The following PUS10 variants were observed in gnomAD, a reference collection of about 807,000 sequenced individuals.
PUS10 encodes the protein tRNA pseudouridine synthase Pus10.
Under a neutral mutation model 75.0 loss-of-function variants are expected in PUS10, and 59 were observed. The observed-to-expected ratio is 0.79, with a 90% CI of 0.64 to 0.98. The LOEUF (loss-of-function observed/expected upper bound fraction) is 0.98. Ranked by LOEUF, PUS10 falls within the 50% of genes least tolerant of loss-of-function variation. The probability of loss-of-function intolerance (pLI) is 0.00; values close to 1 mark genes in which losing one functional copy is unlikely to be tolerated. For missense variants in PUS10, 650 were observed against 614.4 expected (o/e 1.06, Z -0.61); for synonymous variants, 219 against 211.6 (o/e 1.03, Z -0.30).
At chr2:61,000,199 T>G (rs1352980052) in intron 4 of PUS10, among the ~76,000 whole-genome samples, 1 of 152,138 alleles carries the variant, frequency 6.6e-6, no homozygotes, top group Non-Finnish European at 1.5e-5. Flanking sequence ...CTTGCAGCAA[T>G]CTAATTCCTC....
At chr2:60,965,164 T>A in intron 7 of PUS10, 61 bp from the exon 8 acceptor site, 2 of 1,491,644 alleles carry the variant, frequency 1.3e-6, no homozygotes, top group Admixed American at 3.5e-5. Flanking sequence ...TAGATATAAT[T>A]CAAATATATT....
chr2:60,952,952 G>C (rs1258264506), intron 15 of PUS10, 45 bp downstream of exon 15: 7 of 1,060,188 alleles, frequency 6.6e-6, no homozygotes, highest in Non-Finnish European at 1.0e-5. Context: ...ATCTTTGATA[G>C]GCAACAGAAA....
intron 16 of PUS10, among the ~76,000 whole-genome samples, chr2:60,947,363 G>C (rs1262910330): frequency 6.6e-6 from 1 of 152,160 alleles, no homozygotes; most frequent in Non-Finnish European, 1.5e-5. Flanking sequence ...ATGTTGAAAA[G>C]ACCCAAATAT....
intron 8 of PUS10, 86 bp downstream of exon 8, chr2:60,964,971 TC>T: frequency 9.1e-7 from 1 of 1,101,936 alleles, no homozygotes; most frequent in Non-Finnish European, 1.4e-6. Context: ...TTGCCATGTT[TC>T]TGATGCATAT....
At chr2:61,009,411 T>A (rs990467207) in intron 2 of PUS10, among the ~76,000 whole-genome samples, 5 of 152,188 alleles carry the variant, frequency 3.3e-5, no homozygotes, top group African/African-American at 7.2e-5. Context: ...TTTCCATCCT[T>A]GCTAGGTTAT....
Position 61,018,216 on chromosome 2 carries a change from C to T in PUS10, c.-224G>A, listed in dbSNP as rs1380299498. On this transcript the variant is annotated 5_prime_UTR_variant, in exon 1 of 18. An upstream start codon of the reference 5' UTR is lost. Coordinates refer to ENST00000316752, the MANE Select transcript of PUS10 (RefSeq NM_144709.4). ...TTTGGTCTGTAGCAGTTGAGAGCGG[C>T]ATTTGTCCAGCCACGGCATCGACAG... The T allele has an allele frequency of 6.4e-7, 1 of 1,551,008 alleles. No homozygotes were observed. The highest frequency in any genetic ancestry group is 1.4e-5 in the African/African-American group (1 of 73,148).
rs898535132 is a variant in PUS10 at position 60,967,538 on chromosome 2, CAG to C, written c.577_578del (p.Leu193ValfsTer10). ...KEAYKWITHP[L>X]FSEELGVPID... ...TGGGAACACCCAGTTCCTCTGAAAA[CAG>C]GGGGTGAGTTATCCATTTGTAGGCT... is the stretch of plus-strand genomic sequence containing the variant. On this transcript the variant is annotated frameshift_variant, in exon 6 of 18. Transcript: ENST00000316752. LOFTEE classifies it high-confidence loss of function. 10 of 1,608,724 alleles carry C rather than the reference CAG, an allele frequency of 6.2e-6. No individual in the cohort carries two copies. Among genetic ancestry groups the C allele is most frequent in the African/African-American group, 2.7e-5 (2 of 74,592 alleles).
At chr2:61,011,735 T>TAA in intron 2 of PUS10, 30 bp downstream of exon 2, 3 of 1,324,034 alleles carry the variant, frequency 2.3e-6, no homozygotes, top group Admixed American at 2.9e-5. Context: ...TCTCTTAATT[T>TAA]GAAAAAAAAA....
At chr2:60,981,457 A>G (rs1425810739) in intron 4 of PUS10, among the ~76,000 whole-genome samples, 2 of 142,712 alleles carry the variant, frequency 1.4e-5, no homozygotes, top group Non-Finnish European at 3.1e-5. Flanking sequence ...TAATTTTTGT[A>G]TTTTAGTGGA....
intron 5 of PUS10, among the ~76,000 whole-genome samples, chr2:60,969,642 T>A (rs945968125): frequency 6.6e-6 from 1 of 152,234 alleles, no homozygotes; most frequent in African/African-American, 2.4e-5. Context: ...AAATCAATTC[T>A]TTAACAGCAA....
At chr2:60,973,062 A>C (rs948003131) in intron 4 of PUS10, among the ~76,000 whole-genome samples, 6 of 152,186 alleles carry the variant, frequency 3.9e-5, no homozygotes, top group Non-Finnish European at 8.8e-5. Flanking sequence ...TCCCCGAGGC[A>C]GCCAACTGTG....
chr2:60,966,404 A>C (rs1676344096), intron 6 of PUS10: 1 of 152,252 alleles, frequency 6.6e-6, no homozygotes, highest in African/African-American at 2.4e-5. Context: ...TAGTAGACCT[A>C]TTAGCTACTC....
At chr2:60,965,378 C>T (rs1676274161) in intron 7 of PUS10, 45 bp downstream of exon 7, 1 of 1,427,480 alleles carries the variant, frequency 7.0e-7, no homozygotes, top group Admixed American at 1.8e-5. Flanking sequence ...AACCAAACAG[C>T]ATTAACAATT....
Position 61,010,867 on chromosome 2 carries a change from C to T in PUS10, c.126+898G>A, listed in dbSNP as rs1372511145. On this transcript the variant is annotated intron_variant, in intron 2 of 17. Transcript: ENST00000316752. ...TAACTTTGGGCAGGTTGCTTAACCT[C>T]TCTGTATCTCAGTTTCTTCATCTGA... 16 of 1,550,202 alleles carry T rather than the reference C, an allele frequency of 1.0e-5. No homozygotes were observed. In the South Asian group the frequency reaches 1.5e-4, roughly 15 times the overall value.
chr2:60,947,212 GTT>G (rs905469337), intron 16 of PUS10, among the ~76,000 whole-genome samples: 3 of 151,774 alleles, frequency 2.0e-5, no homozygotes, highest in African/African-American at 7.3e-5. Context: ...GAATCGTTTT[GTT>G]TTTGTTTTTT....
intron 4 of PUS10, among the ~76,000 whole-genome samples, chr2:60,987,074 G>T (rs889705435): frequency 6.6e-6 from 1 of 152,200 alleles, no homozygotes; most frequent in Non-Finnish European, 1.5e-5. Context: ...ATCTCCTCAA[G>T]CTTTGATCTT....
chr2:60,984,517 C>T (rs947197898), intron 4 of PUS10, among the ~76,000 whole-genome samples: 19 of 152,196 alleles, frequency 1.2e-4, no homozygotes. Flanking sequence ...TATCACAATT[C>T]TAAATCTGTA....
chr2:60,954,979 A>G (rs1330911281), intron 12 of PUS10, 39 bp downstream of exon 12: 7 of 1,364,224 alleles, frequency 5.1e-6, no homozygotes, highest in Non-Finnish European at 7.1e-6. Flanking sequence ...TGATAATCAG[A>G]AAGTTAGTTC....
In PUS10 at chr2:60,967,543, G is replaced by T. The variant is rs1162374040; in HGVS notation, c.574C>A (p.Pro192Thr). ...LKEAYKWITHPLFSEELGVPI... is the reference protein window; with the variant it reads ...LKEAYKWITHTLFSEELGVPI... ...ACACCCAGTTCCTCTGAAAACAGGG[G>T]GTGAGTTATCCATTTGTAGGCTTCT... The change falls in exon 6 of 18, where the codon CCC (proline) becomes ACC (threonine). Residue 192 changes from proline (P) to threonine (T), a missense_variant. Physicochemically the swap from Pro to Thr is conservative, Grantham distance 38 (BLOSUM62 -1). Transcript: ENST00000316752. 1 of 1,608,774 alleles carries T rather than the reference G, an allele frequency of 6.2e-7. No individual in the cohort carries two copies. The highest frequency in any genetic ancestry group is 1.7e-5 in the Admixed American group (1 of 59,388).
Sources: allele counts gnomAD v4.1 joint callset (sites outside exome capture counted in the v4.1 genomes callset), GRCh38; gene constraint gnomAD v4.1.1; transcripts MANE v1.5; gene names NCBI Gene and HGNC (gene_info 2026-07-23, HGNC 2026-07-21).